BEND7: variants seen among roughly 807,000 people sequenced by gnomAD.
BEND7 encodes BEN domain containing 7.
A neutral mutation model predicts 50.9 loss-of-function variants in BEND7; 28 were observed. The ratio of observed to expected loss-of-function variants is 0.55; its 90% CI spans 0.41 to 0.75. BEND7 has a LOEUF of 0.75. BEND7 is among the 30% of genes least tolerant of loss of function. The pLI is 0.00. For missense variants in BEND7, 477 were observed against 491.3 expected (o/e 0.97, Z 0.28); for synonymous variants, 170 against 183.9 (o/e 0.92, Z 0.61).
In BEND7 at chr10:13,492,623, T is replaced by C. The variant is rs779148834; in HGVS notation, c.825A>G (p.Ser275=). 2 of 1,613,602 alleles carry C rather than the reference T, an allele frequency of 1.2e-6. No individual in the cohort carries two copies. The highest frequency in any genetic ancestry group is 1.7e-5 in the Admixed American group (1 of 59,846). Residue 275 remains serine (S), a synonymous_variant, in exon 5 of 9, where the codon TCA becomes TCG. Transcript: ENST00000466271. ...RVLGFGIVLE[S]PSSDPEVQLA... Reference sequence around the variant, plus strand: ...AATGGCAACTTACATCTGAGGAAGGTGATTCCAGAACAATGCCGAATCCTA... The same window carrying C: ...AATGGCAACTTACATCTGAGGAAGGCGATTCCAGAACAATGCCGAATCCTA...
intron 6 of BEND7, chr10:13,480,605 A>G (rs994733130): frequency 1.0e-6 from 1 of 979,410 alleles, no homozygotes; most frequent in Non-Finnish European, 1.2e-6. Flanking sequence ...CTTAGAAATT[A>G]CAAATTACCT....
At chr10:13,514,487 T>C (rs4748043) in intron 2 of BEND7, among the ~76,000 whole-genome samples, 149,681 of 152,306 alleles carry the variant, frequency 0.98, 73,605 homozygotes, top group Middle Eastern at 1. Flanking sequence ...CCATCTTCTT[T>C]CCAGTTCATT....
intron 4 of BEND7, among the ~76,000 whole-genome samples, chr10:13,496,143 A>T (rs2076999097): frequency 6.6e-6 from 1 of 152,230 alleles, no homozygotes. Context: ...TATTTTGACA[A>T]CAGCCCTGTG....
intron 8 of BEND7, chr10:13,446,395 T>C (rs1366537139): frequency 6.6e-6 from 1 of 152,142 alleles, no homozygotes; most frequent in Admixed American, 6.5e-5. Flanking sequence ...TCCACTAATA[T>C]TTGCTGAATT....
chr10:13,451,716 C>CGTCATT lies in BEND7; in HGVS notation c.1183+817_1183+822dup, dbSNP rs777561000. Reference sequence around the variant, plus strand: ...TGTTGGTGTGCTGCACCCATTAACTCGTCATTTAACATTAGTTATATCCCC... The same window carrying CGTCATT: ...TGTTGGTGTGCTGCACCCATTAACTCGTCATTGTCATTTAACATTAGTTATATCCCC... On this transcript the variant is annotated intron_variant, in intron 7 of 8. Coordinates refer to ENST00000466271, the MANE Select transcript of BEND7 (RefSeq NM_001369863.1). 5.3e-5 allele frequency among the ~76,000 whole-genome samples: 8 copies of CGTCATT among 151,126 alleles called. No homozygotes were observed. In the South Asian group the frequency reaches 1.7e-3, roughly 32 times the overall value.
chr10:13,492,205 T>A (rs1312000414), intron 5 of BEND7, among the ~76,000 whole-genome samples: 1 of 152,230 alleles, frequency 6.6e-6, no homozygotes, highest in African/African-American at 2.4e-5. Flanking sequence ...GCTCCTTTTT[T>A]ATTATTAGTT....
intron 2 of BEND7, chr10:13,500,742 G>A (rs2077382632): frequency 2.0e-6 from 2 of 985,424 alleles, no homozygotes; most frequent in Admixed American, 1.2e-4. Context: ...CAAGCGAGGG[G>A]GTTTTGTCTT....
chr10:13,499,334 G>C (rs1277930506), intron 3 of BEND7, among the ~76,000 whole-genome samples: 1 of 150,166 alleles, frequency 6.7e-6, no homozygotes, highest in Non-Finnish European at 1.5e-5. Context: ...ACCCCTGTCC[G>C]CCCCCGCCTT....
At chr10:13,477,485 T>A (rs964775351) in intron 6 of BEND7, among the ~76,000 whole-genome samples, 76 of 152,176 alleles carry the variant, frequency 5.0e-4, no homozygotes, top group Non-Finnish European at 7.5e-4. Flanking sequence ...TTTCTTTTTT[T>A]AAAAAATCTC....
At chr10:13,463,928 T>A (rs1342070241) in intron 6 of BEND7, among the ~76,000 whole-genome samples, 1 of 151,914 alleles carries the variant, frequency 6.6e-6, no homozygotes, top group African/African-American at 2.4e-5. Context: ...TAATGACAAA[T>A]AGGAAAGGAT....
chr10:13,517,847 G>A (rs1386139981), intron 2 of BEND7, among the ~76,000 whole-genome samples: 1 of 150,712 alleles, frequency 6.6e-6, no homozygotes, highest in Non-Finnish European at 1.5e-5. Flanking sequence ...GCAGGTTCAG[G>A]TTTCTGCCCT....
intron 6 of BEND7, among the ~76,000 whole-genome samples, chr10:13,470,690 A>G (rs747103187): frequency 6.6e-6 from 1 of 152,160 alleles, no homozygotes; most frequent in Non-Finnish European, 1.5e-5. Context: ...GCGGTGGTGA[A>G]GCGTAGACTC....
At chr10:13,485,493 G>C (rs1354732697) in intron 5 of BEND7, among the ~76,000 whole-genome samples, 1 of 152,186 alleles carries the variant, frequency 6.6e-6, no homozygotes, top group Non-Finnish European at 1.5e-5. Flanking sequence ...TCAGTCTCAG[G>C]TTGGCTCAGG....
intron 6 of BEND7, among the ~76,000 whole-genome samples, chr10:13,466,181 C>A (rs1391927236): frequency 6.6e-6 from 1 of 151,052 alleles, no homozygotes; most frequent in Non-Finnish European, 1.5e-5. Context: ...GTATTAAGAT[C>A]TGGGTAATAA....
At chr10:13,506,278 G>A (rs1284157901) in intron 2 of BEND7, among the ~76,000 whole-genome samples, 1 of 152,088 alleles carries the variant, frequency 6.6e-6, no homozygotes, top group Non-Finnish European at 1.5e-5. Flanking sequence ...CTTCCCTGTT[G>A]GCCCCGCATG....
intron 2 of BEND7, among the ~76,000 whole-genome samples, chr10:13,521,313 A>G (rs1564420081): frequency 6.6e-6 from 1 of 152,044 alleles, no homozygotes; most frequent in Non-Finnish European, 1.5e-5. Flanking sequence ...AACTCTGTGA[A>G]CTCCTCAAAT....
intron 3 of BEND7, among the ~76,000 whole-genome samples, chr10:13,499,186 T>C (rs1235942408): frequency 6.6e-6 from 1 of 152,216 alleles, no homozygotes; most frequent in Non-Finnish European, 1.5e-5. Flanking sequence ...GTCATTTGAT[T>C]CTTTTCTTAA....
At chr10:13,455,648 C>T (rs560211801) in intron 6 of BEND7, among the ~76,000 whole-genome samples, 1 of 152,066 alleles carries the variant, frequency 6.6e-6, no homozygotes, top group Non-Finnish European at 1.5e-5. Flanking sequence ...AAAGGCATCA[C>T]CCTGGGGGGG....
chr10:13,440,286 C>T (rs1835161507), downstream of BEND7, among the ~76,000 whole-genome samples: 1 of 152,218 alleles, frequency 6.6e-6, no homozygotes, highest in African/African-American at 2.4e-5. Flanking sequence ...GGGTCCCTGA[C>T]ACAAGGGACC....
Sources: gnomAD v4.1 joint callset for allele counts (sites outside exome capture counted in the v4.1 genomes callset) on GRCh38, gnomAD v4.1.1 for gene constraint, MANE v1.5 for transcripts, NCBI Gene and HGNC (gene_info 2026-07-23, HGNC 2026-07-21) for gene names.